RAD51B: variants seen among roughly 807,000 people sequenced by gnomAD.
RAD51B encodes DNA repair protein RAD51 homolog 2.
RAD51B carries 38 observed loss-of-function variants against 42.2 expected under a neutral mutation model. The observed-to-expected ratio is 0.90, with a 90% CI of 0.70 to 1.18. The LOEUF is 1.18. Ranked by LOEUF, RAD51B falls within the 50% of genes most tolerant of loss-of-function variation. RAD51B has a pLI of 0.00. For synonymous variants in RAD51B, 154 were observed against 145.2 expected (o/e 1.06, Z -0.43); for missense variants, 373 against 400.7 (o/e 0.93, Z 0.59).
intron 9 of RAD51B, among the ~76,000 whole-genome samples, chr14:68,454,783 G>A (rs2140195557): frequency 6.6e-6 from 1 of 152,308 alleles, no homozygotes; most frequent in East Asian, 1.9e-4. Context: ...CACCATCATG[G>A]CTGCCCAAGG....
chr14:68,134,596 A>G (rs1203650799), intron 7 of RAD51B, among the ~76,000 whole-genome samples: 1 of 152,176 alleles, frequency 6.6e-6, no homozygotes, highest in East Asian at 1.9e-4. Flanking sequence ...ATTTAGCGTT[A>G]TCATTAATTT....
At chr14:68,630,193 A>G (rs1892193486) in intron 10 of RAD51B, among the ~76,000 whole-genome samples, 2 of 151,978 alleles carry the variant, frequency 1.3e-5, no homozygotes, top group African/African-American at 4.8e-5. Context: ...AAGCTTAGAG[A>G]CGTAAGTCAC....
In RAD51B at chr14:68,272,268, T is replaced by C. The variant is rs114610642; in HGVS notation, c.757-19616T>C. Among the ~76,000 whole-genome samples the C allele has an allele frequency of 2.1e-3, 324 of 152,210 alleles. 2 individuals are homozygous for C. The highest frequency in any genetic ancestry group is 7.3e-3 in the African/African-American group (304 of 41,506). ...GCTTCCACTTCCTTCTGCAGACTTA[T>C]AGTAAAAGACAAGAGATGCCTCTTC... On this transcript the variant is annotated intron_variant, in intron 7 of 10. Transcript: ENST00000471583.
At chr14:68,057,085 G>A (rs1299873786) in intron 7 of RAD51B, among the ~76,000 whole-genome samples, 5 of 147,334 alleles carry the variant, frequency 3.4e-5, no homozygotes, top group Non-Finnish European at 6.0e-5. Context: ...GTGAAACTCC[G>A]TCTCAAAAAA....
At position 68,145,177 on chromosome 14, in the gene RAD51B, A is replaced by G. The variant is rs538593485; in HGVS notation, c.757-146707A>G. Among the ~76,000 whole-genome samples the G allele has an allele frequency of 2.0e-5, 3 of 152,324 alleles. No homozygotes were observed. In the South Asian group the frequency reaches 6.2e-4, roughly 32 times the overall value. ...ACATGATTAGACCAAGGTCACACAC[A>G]TGCCACAGCCAGGCTGACAAGTCTT... On this transcript the variant is annotated intron_variant, in intron 7 of 10. Coordinates refer to ENST00000471583, the MANE Select transcript of RAD51B (RefSeq NM_133510.4).
intron 10 of RAD51B, among the ~76,000 whole-genome samples, chr14:68,645,399 C>T (rs1424834863): frequency 6.6e-6 from 1 of 152,146 alleles, no homozygotes; most frequent in Non-Finnish European, 1.5e-5. Flanking sequence ...ATTCATTCAT[C>T]GACAGACAGT....
intron 10 of RAD51B, among the ~76,000 whole-genome samples, chr14:68,520,947 A>T (rs553978320): frequency 7.2e-5 from 11 of 152,334 alleles, no homozygotes; most frequent in African/African-American, 2.4e-4. Context: ...GACCAGGCTG[A>T]TGGAGTTTTT....
chr14:67,885,702 C>A, intron 5 of RAD51B, 167 bp from the exon 6 acceptor site: 1 of 785,424 alleles, frequency 1.3e-6, no homozygotes, highest in Non-Finnish European at 1.8e-6. Context: ...TCTGTTAGTG[C>A]TTACAAAAGA....
At chr14:67,856,212 C>G (rs191352146) in intron 4 of RAD51B, among the ~76,000 whole-genome samples, 132 of 152,208 alleles carry the variant, frequency 8.7e-4, no homozygotes, top group Admixed American at 2.8e-3. Context: ...CATTTACTTC[C>G]AAAACGGCAG....
chr14:68,605,075 C>T (rs1035557227), intron 10 of RAD51B, among the ~76,000 whole-genome samples: 1 of 152,230 alleles, frequency 6.6e-6, no homozygotes, highest in Non-Finnish European at 1.5e-5. Context: ...GGAGGCCTCA[C>T]TGACATCAGC....
intron 7 of RAD51B, among the ~76,000 whole-genome samples, chr14:68,240,409 T>A (rs560494182): frequency 6.6e-6 from 1 of 152,230 alleles, no homozygotes; most frequent in African/African-American, 2.4e-5. Context: ...TATTTTTTAC[T>A]TACCTAAGAT....
At chr14:68,291,090 G>T (rs796070970) in intron 7 of RAD51B, among the ~76,000 whole-genome samples, 1 of 152,096 alleles carries the variant, frequency 6.6e-6, no homozygotes, top group African/African-American at 2.4e-5. Flanking sequence ...TTACAGGCAT[G>T]AGCCACTGTG....
At chr14:68,441,833 T>G (rs1338179908) in intron 9 of RAD51B, among the ~76,000 whole-genome samples, 1 of 152,188 alleles carries the variant, frequency 6.6e-6, no homozygotes, top group African/African-American at 2.4e-5. Flanking sequence ...CAGTTACTAT[T>G]TTATACAGTG....
chr14:67,961,520 A>C (rs1028459639), intron 7 of RAD51B, among the ~76,000 whole-genome samples: 1 of 152,198 alleles, frequency 6.6e-6, no homozygotes, highest in African/African-American at 2.4e-5. Flanking sequence ...AACACCATAC[A>C]CATAGCTTGA....
intron 8 of RAD51B, among the ~76,000 whole-genome samples, chr14:68,330,344 G>A (rs1195361462): frequency 6.6e-6 from 1 of 152,184 alleles, no homozygotes; most frequent in Non-Finnish European, 1.5e-5. Flanking sequence ...AAAGAAAAAG[G>A]TGTCCAGATG....
At chr14:67,893,926 A>G (rs965444451) in intron 7 of RAD51B, among the ~76,000 whole-genome samples, 2 of 152,178 alleles carry the variant, frequency 1.3e-5, no homozygotes, top group Non-Finnish European at 2.9e-5. Context: ...AAATACATTC[A>G]GTATCTGATT....
chr14:68,114,270 A>G (rs1053743258), intron 7 of RAD51B: 43 of 152,194 alleles, frequency 2.8e-4, no homozygotes, highest in African/African-American at 9.1e-4. Context: ...ACTAGATTAT[A>G]TATATTTTTG....
intron 8 of RAD51B, among the ~76,000 whole-genome samples, chr14:68,332,673 C>G (rs1267322406): frequency 6.6e-6 from 1 of 152,156 alleles, no homozygotes; most frequent in African/African-American, 2.4e-5. Flanking sequence ...TAGGCTGTCT[C>G]TAGTTAGCCA....
chr14:67,907,054 C>G (rs966429798), intron 7 of RAD51B, among the ~76,000 whole-genome samples: 3 of 152,052 alleles, frequency 2.0e-5, no homozygotes, highest in Non-Finnish European at 2.9e-5. Context: ...GGTGATCTGC[C>G]CATCTTGGCC....
Sources: allele counts gnomAD v4.1 joint callset (sites outside exome capture counted in the v4.1 genomes callset), GRCh38; gene constraint gnomAD v4.1.1; transcripts MANE v1.5; gene names NCBI Gene and HGNC (gene_info 2026-07-23, HGNC 2026-07-21).